ABCA4: variants seen among roughly 807,000 people sequenced by gnomAD.
ABCA4 encodes retinal-specific phospholipid-transporting ATPase ABCA4.
ABCA4 carries 196 observed loss-of-function variants against 263.7 expected under a neutral mutation model. The observed-to-expected ratio is 0.74, with a 90% confidence interval of 0.66 to 0.84. ABCA4 has a LOEUF of 0.84. Ranked by LOEUF, ABCA4 falls within the 40% of genes least tolerant of loss-of-function variation. ABCA4 has a pLI of 0.00. For missense variants in ABCA4, 2,792 were observed against 2,855.1 expected (o/e 0.98, Z 0.50); for synonymous variants, 1,133 against 1,094.2 (o/e 1.04, Z -0.70).
intron 4 of ABCA4, 102 bp from the exon 5 acceptor site, chr1:94,103,244 G>A: frequency 6.8e-7 from 1 of 1,464,262 alleles, no homozygotes. Context: ...TCAACTCTCA[G>A]AGGAAGGTTC....
chr1:94,055,181 G>C lies in ABCA4; in HGVS notation c.2517C>G (p.Ser839=), dbSNP rs138246242. 3 of 1,614,034 alleles carry C rather than the reference G, an allele frequency of 1.9e-6. No homozygotes were observed. The highest frequency in any genetic ancestry group is 2.2e-5 in the South Asian group (2 of 91,076). The change falls in exon 16 of 50, where the codon TCC becomes TCG. Residue 839 remains serine, a synonymous_variant. Transcript: ENST00000370225. Reference sequence around the variant, plus strand: ...CAGCATCAAGGAGCATCATCTGCATGGACAGCAGGAAGCTGAATTCGTCCC... The same window carrying C: ...CAGCATCAAGGAGCATCATCTGCATCGACAGCAGGAAGCTGAATTCGTCCC... ...TEGDEFSFLL[S]MQMMLLDAAV...
At chr1:94,009,405 T>C (rs3789387) in intron 40 of ABCA4, among the ~76,000 whole-genome samples, 30,609 of 152,024 alleles carry the variant, frequency 0.2, 4,906 homozygotes, top group African/African-American at 0.44. Context: ...AACCTTCTGT[T>C]GTTCCCCATC....
chr1:94,048,059 G>A (rs923163797), intron 18 of ABCA4, among the ~76,000 whole-genome samples: 3 of 152,236 alleles, frequency 2.0e-5, no homozygotes, highest in Admixed American at 1.3e-4. Context: ...GTGGGAGGAG[G>A]ATCTTGCCAG....
rs143651735 is a variant in ABCA4 at position 94,102,331 on chromosome 1, G to T, written c.570+684C>A. On this transcript the variant is annotated intron_variant, in intron 5 of 49. Coordinates refer to ENST00000370225, the MANE Select transcript of ABCA4 (RefSeq NM_000350.3). ...CAGGAAAGCAGAAGTGGGCTCTTCT[G>T]CAGCATCTCAGGTTCTGTAGCCTCG... Among the ~76,000 whole-genome samples the T allele has an allele frequency of 1.6e-4, 24 of 152,142 alleles. No individual in the cohort carries two copies. In the East Asian group the frequency reaches 4.3e-3, roughly 27 times the overall value.
intron 6 of ABCA4, among the ~76,000 whole-genome samples, chr1:94,093,765 G>A (rs1193058075): frequency 1.3e-5 from 2 of 152,192 alleles, no homozygotes; most frequent in African/African-American, 2.4e-5. Flanking sequence ...TGTGCACGAA[G>A]GGGCCTCTCT....
chr1:94,001,052 GA>G lies in ABCA4; in HGVS notation c.6335del (p.Val2112AlafsTer3). 6.2e-7 allele frequency: 1 copy of G among 1,614,178 alleles called. No homozygotes were observed. ...TCCCTTCTCTGATGATGCTCACGAT[GA>G]CGTTCCACAGCATGCGGCGTGCCTG... ...DPQARRMLWN[V>X]IVSIIREGRA... On this transcript the variant is annotated frameshift_variant, in exon 46 of 50. Transcript: ENST00000370225. LOFTEE classifies it high-confidence loss of function.
chr1:94,091,344 G>A (rs531253240), intron 6 of ABCA4, among the ~76,000 whole-genome samples: 5 of 152,092 alleles, frequency 3.3e-5, no homozygotes, highest in South Asian at 4.2e-4. Context: ...GCCTAGTCCC[G>A]AGGGAGCCCT....
chr1:94,118,014 A>T (rs1021338931), intron 1 of ABCA4, among the ~76,000 whole-genome samples: 1 of 152,206 alleles, frequency 6.6e-6, no homozygotes, highest in Non-Finnish European at 1.5e-5. Context: ...ATCAGTGACC[A>T]GACTATTGGA....
At chr1:94,013,251 A>G (rs1659603262) in intron 38 of ABCA4, among the ~76,000 whole-genome samples, 1 of 152,082 alleles carries the variant, frequency 6.6e-6, no homozygotes, top group African/African-American at 2.4e-5. Context: ...TGACTCTGAC[A>G]TGCTGAATTT....
intron 40 of ABCA4, among the ~76,000 whole-genome samples, chr1:94,009,485 T>C (rs1235824949): frequency 6.6e-6 from 1 of 152,096 alleles, no homozygotes; most frequent in Non-Finnish European, 1.5e-5. Flanking sequence ...CCTACCCTTC[T>C]CACTTACCTC....
At chr1:94,042,644 C>G (rs568385199) in intron 22 of ABCA4, 117 bp downstream of exon 22, 1 of 1,410,676 alleles carries the variant, frequency 7.1e-7, no homozygotes, top group Non-Finnish European at 9.9e-7. Context: ...AAACCCCCTT[C>G]TGAGTGTAGT....
At chr1:94,040,398 C>T (rs1418406249) in intron 23 of ABCA4, among the ~76,000 whole-genome samples, 2 of 152,192 alleles carry the variant, frequency 1.3e-5, no homozygotes, top group Non-Finnish European at 1.5e-5. Flanking sequence ...TATGTGGCAG[C>T]TGTAGGTTCT....
chr1:94,049,917 GA>G (rs1342547473), intron 17 of ABCA4, among the ~76,000 whole-genome samples: 1 of 152,194 alleles, frequency 6.6e-6, no homozygotes, highest in Non-Finnish European at 1.5e-5. Flanking sequence ...GGAAGGGGAA[GA>G]GGAGCAGAAG....
At chr1:94,035,540 G>A (rs1447009931) in intron 26 of ABCA4, among the ~76,000 whole-genome samples, 1 of 152,160 alleles carries the variant, frequency 6.6e-6, no homozygotes, top group African/African-American at 2.4e-5. Flanking sequence ...TATGAAGAAA[G>A]ATGAAAACCA....
In ABCA4 at chr1:94,060,847, A is replaced by G. The variant is rs540312886; in HGVS notation, c.1938-88T>C. ...TGTTTGTTGAATGAATGTGTTGAGAACAAAGCCCAGATGGAGGGAAAGGAA... is the reference window on the plus strand; with the variant it reads ...TGTTTGTTGAATGAATGTGTTGAGAGCAAAGCCCAGATGGAGGGAAAGGAA... On this transcript the variant is annotated intron_variant, in intron 13 of 49. Coordinates refer to ENST00000370225, the MANE Select transcript of ABCA4 (RefSeq NM_000350.3). The G allele has an allele frequency of 3.7e-5, 42 of 1,136,476 alleles. No homozygotes were observed. In the East Asian group the frequency reaches 1.1e-3, roughly 28 times the overall value. The allele number at this position is 1,136,476 out of a possible 1,614,324, so 70.4% of individuals were successfully genotyped here.
intron 30 of ABCA4, among the ~76,000 whole-genome samples, chr1:94,027,736 C>G (rs1462981902): frequency 6.6e-6 from 1 of 152,176 alleles, no homozygotes; most frequent in African/African-American, 2.4e-5. Context: ...TTAGCCATAG[C>G]CTTTTTTGTT....
chr1:94,041,551 T>C, intron 22 of ABCA4, 149 bp from the exon 23 acceptor site: 1 of 770,054 alleles, frequency 1.3e-6, no homozygotes, highest in South Asian at 1.7e-5. Flanking sequence ...CAGCAGCAAA[T>C]TCCAGCATAT....
intron 26 of ABCA4, among the ~76,000 whole-genome samples, chr1:94,036,434 T>C (rs1262532301): frequency 6.6e-6 from 1 of 151,400 alleles, no homozygotes; most frequent in East Asian, 1.9e-4. Flanking sequence ...TGCAGTGCAG[T>C]GGCACAATCT....
In ABCA4 at chr1:94,056,721, G is replaced by A; in HGVS notation, c.2262C>T (p.Phe754=). The A allele has an allele frequency of 6.2e-7, 1 of 1,614,122 alleles. No homozygotes were observed. The highest frequency in any genetic ancestry group is 1.3e-5 in the African/African-American group (1 of 75,080). ...TIMLCFLLST[F]FSKASLAAAC... Reference sequence around the variant, plus strand: ...CTGCTGCCAGACTGGCCTTGGAGAAGAAGGTGCTGAGCAGAAAGCACAGCA... The same window carrying A: ...CTGCTGCCAGACTGGCCTTGGAGAAAAAGGTGCTGAGCAGAAAGCACAGCA... The change falls in exon 15 of 50, where the codon TTC becomes TTT. Residue 754 remains phenylalanine (F), a synonymous_variant. Transcript: ENST00000370225.
Sources: allele counts gnomAD v4.1 joint callset (sites outside exome capture counted in the v4.1 genomes callset), GRCh38; gene constraint gnomAD v4.1.1; transcripts MANE v1.5; gene names NCBI Gene and HGNC (gene_info 2026-07-23, HGNC 2026-07-21).